OR4K1: variants seen among roughly 807,000 people sequenced by gnomAD.
The protein encoded by OR4K1 is olfactory receptor family 4 subfamily K member 1.
Under a neutral mutation model 14.4 loss-of-function variants are expected in OR4K1, and 16 were observed. The observed-to-expected ratio is 1.11, with a 90% CI of 0.75 to 1.68. The LOEUF (loss-of-function observed/expected upper bound fraction) is 1.68, where lower values mean the gene tolerates loss of function less well. Among genes scored for constraint, OR4K1 ranks in the 40% most tolerant of loss-of-function variants. OR4K1 has a pLI of 0.00. For missense variants in OR4K1, 548 were observed against 376.9 expected, an observed-to-expected ratio of 1.45 and a Z score of -3.76; for synonymous variants, 181 against 133.1, an observed-to-expected ratio of 1.36 and a Z score of -2.48.
the OR4K1 span, among the ~76,000 whole-genome samples, chr14:19,925,162 A>G: frequency 6.6e-6 from 1 of 152,218 alleles, no homozygotes; most frequent in Admixed American, 6.5e-5. Context: ...AGAAGAAGTG[A>G]ACATTTTAGT....
the OR4K1 span, among the ~76,000 whole-genome samples, chr14:19,923,371 G>A: frequency 6.6e-6 from 1 of 152,166 alleles, no homozygotes; most frequent in Admixed American, 6.5e-5. Context: ...ATTTTTCAGT[G>A]TCTTTGTTAG....
chr14:19,920,870 A>T, the OR4K1 span: 1 of 1,614,236 alleles, frequency 6.2e-7, no homozygotes, highest in Non-Finnish European at 8.5e-7. Context: ...TTCTGAGTGC[A>T]CACGAGACCA....
chr14:19,920,380 G>GATTAAATT, the OR4K1 span, among the ~76,000 whole-genome samples: 1 of 152,184 alleles, frequency 6.6e-6, no homozygotes, highest in Non-Finnish European at 1.5e-5. Context: ...TAATTATACT[G>GATTAAATT]ATTAAATTAT....
Position 19,936,121 on chromosome 14 carries a change from G to A in OR4K1, c.455G>A (p.Gly152Asp), listed in dbSNP as rs372121266. ...TTTGTGTCTATTTCCTGGGCGGTGG[G>A]CGTTCTTCATTCTGTGAGCCACTTG... ...VIFVSISWAV[G>D]VLHSVSHLAF... The change falls in exon 2 of 2, where the codon GGC (glycine) becomes GAC (aspartate). Residue 152 changes from glycine to aspartate, a missense_variant. Coordinates refer to ENST00000641172, the MANE Select transcript of OR4K1 (RefSeq NM_001004063.3). 2.3e-5 allele frequency: 37 copies of A among 1,614,010 alleles called. No individual in the cohort carries two copies. The highest frequency in any genetic ancestry group is 2.9e-5 in the Non-Finnish European group (34 of 1,180,028).
At chr14:19,924,640 T>C in the OR4K1 span, among the ~76,000 whole-genome samples, 1 of 152,204 alleles carries the variant, frequency 6.6e-6, no homozygotes, top group Non-Finnish European at 1.5e-5. Flanking sequence ...GGTGTAGCTA[T>C]TCCTCAAAGA....
In OR4K1 at chr14:19,936,563, G is replaced by A; in HGVS notation, c.897G>A (p.Trp299Ter). The change falls in exon 2 of 2, where the codon TGG (tryptophan) becomes TGA (stop). Residue 299 changes from tryptophan to a stop codon, truncating the protein, a stop_gained. Transcript: ENST00000641172. LOFTEE classifies it high-confidence loss of function. Reference sequence around the variant, plus strand: ...ATGAAGATGTTAAAGCAGCCATGTGGAAGCTGAGAAACCGTCATGTGAACT... The same window carrying A: ...ATGAAGATGTTAAAGCAGCCATGTGAAAGCTGAGAAACCGTCATGTGAACT... ...LRNEDVKAAM[W>*]KLRNRHVNSW... is the part of the protein sequence containing the mutation. The A allele has an allele frequency of 1.9e-6, 3 of 1,608,950 alleles. No homozygotes were observed. Among genetic ancestry groups the A allele is most frequent in the Admixed American group, 1.7e-5 (1 of 58,980 alleles).
At chr14:19,925,993 G>A (rs1212216053), upstream of OR4K1, among the ~76,000 whole-genome samples, 1 of 152,254 alleles carries the variant, frequency 6.6e-6, no homozygotes, top group Non-Finnish European at 1.5e-5. Flanking sequence ...TAAAGGTGGG[G>A]TGTGGGTGGA....
At chr14:19,924,658 C>T in the OR4K1 span, among the ~76,000 whole-genome samples, 1 of 152,214 alleles carries the variant, frequency 6.6e-6, no homozygotes. Context: ...AGATCTAGAG[C>T]CAGAAATACC....
chr14:19,921,424 T>C, the OR4K1 span: 3 of 1,614,170 alleles, frequency 1.9e-6, no homozygotes, highest in Non-Finnish European at 2.5e-6. Context: ...TTTCTTGCCA[T>C]ATTTTACACT....
At chr14:19,932,202 C>T (rs537371913) in intron 1 of OR4K1, among the ~76,000 whole-genome samples, 13 of 152,266 alleles carry the variant, frequency 8.5e-5, no homozygotes. Flanking sequence ...TGGATATTTT[C>T]AAAAGTATAT....
At chr14:19,921,471 C>G in the OR4K1 span, 1 of 1,614,040 alleles carries the variant, frequency 6.2e-7, no homozygotes, top group Admixed American at 1.7e-5. Flanking sequence ...TATTTATACA[C>G]TAAGGAATAG....
At chr14:19,927,375 T>C (rs1882082984), upstream of OR4K1, among the ~76,000 whole-genome samples, 1 of 152,256 alleles carries the variant, frequency 6.6e-6, no homozygotes. Context: ...GATGGAGAAT[T>C]GGTCATAAGT....
chr14:19,927,938 T>C (rs1344711260), upstream of OR4K1, among the ~76,000 whole-genome samples: 1 of 152,232 alleles, frequency 6.6e-6, no homozygotes, highest in African/African-American at 2.4e-5. Context: ...TTATTGAATT[T>C]ACAGTGAAGA....
In OR4K1 at chr14:19,936,317, C is replaced by G. The variant is rs1469450105; in HGVS notation, c.651C>G (p.Ser217=). The G allele has an allele frequency of 6.2e-7, 1 of 1,614,262 alleles. No homozygotes were observed. Among genetic ancestry groups the G allele is most frequent in the Non-Finnish European group, 8.5e-7 (1 of 1,180,048 alleles). The change falls in exon 2 of 2, where the codon TCC becomes TCG. Residue 217 remains serine, a synonymous_variant. Transcript: ENST00000641172. ...GCTGTTTCCTGGCTTTAATTATTTCCTACACCATCATTTTGATCGGTGTCC... is the reference window on the plus strand; with the variant it reads ...GCTGTTTCCTGGCTTTAATTATTTCGTACACCATCATTTTGATCGGTGTCC... ...SLSCFLALII[S]YTIILIGVRC...
intron 1 of OR4K1, among the ~76,000 whole-genome samples, chr14:19,932,325 C>T (rs530710413): frequency 6.6e-6 from 1 of 150,416 alleles, no homozygotes; most frequent in South Asian, 2.1e-4. Flanking sequence ...TCTCCTTTTC[C>T]TTTTTTCTTC....
chr14:19,922,104 C>T, the OR4K1 span, among the ~76,000 whole-genome samples: 19 of 151,228 alleles, frequency 1.3e-4, no homozygotes, highest in African/African-American at 2.2e-4. Flanking sequence ...CTATCCCATA[C>T]GGTTTTCAAA....
chr14:19,935,485 G>A, intron 1 of OR4K1, 163 bp from the exon 2 acceptor site: 3 of 571,316 alleles, frequency 5.3e-6, no homozygotes, highest in South Asian at 5.5e-5. Context: ...AGCAGTCATG[G>A]ATGTTAAATA....
At chr14:19,921,403 C>T in the OR4K1 span, 62 of 1,614,100 alleles carry the variant, frequency 3.8e-5, no homozygotes, top group South Asian at 6.7e-4. Context: ...ACCATCTCTC[C>T]TTTGGATAAA....
At chr14:19,920,725 T>C in the OR4K1 span, 1 of 1,614,150 alleles carries the variant, frequency 6.2e-7, no homozygotes, top group Non-Finnish European at 8.5e-7. Flanking sequence ...GTCATTGTGC[T>C]GGGAAATCTT....
Sources: gnomAD v4.1 joint callset for allele counts (sites outside exome capture counted in the v4.1 genomes callset) on GRCh38, gnomAD v4.1.1 for gene constraint, MANE v1.5 for transcripts, NCBI Gene and HGNC (gene_info 2026-07-23, HGNC 2026-07-21) for gene names.